Variants in DCAF5 observed in about 807,000 individuals in gnomAD.
DCAF5 encodes DDB1- and CUL4-associated factor 5.
A neutral mutation model predicts 80.7 loss-of-function variants in DCAF5; 9 were observed. That is an observed-to-expected ratio of 0.11 (90% CI 0.07 to 0.19). The LOEUF (loss-of-function observed/expected upper bound fraction) is 0.19. DCAF5 is among the 10% of genes least tolerant of loss of function. DCAF5 has a pLI of 1.00. For missense variants in DCAF5, 842 were observed against 1,205.7 expected (o/e 0.70, Z 4.47); for synonymous variants, 433 against 461.9 (o/e 0.94, Z 0.80).
At chr14:69,119,112 C>T in intron 3 of DCAF5, 82 bp downstream of exon 3, 1 of 1,402,912 alleles carries the variant, frequency 7.1e-7, no homozygotes, top group Non-Finnish European at 9.6e-7. Flanking sequence ...AAAACAAAAA[C>T]TATTTTAGTC....
intron 1 of DCAF5, among the ~76,000 whole-genome samples, chr14:69,146,234 T>C (rs10131077): frequency 0.38 from 57,508 of 152,042 alleles, 12,082 homozygotes; most frequent in East Asian, 0.91. Context: ...TGAACAATAC[T>C]GAGCACAAGG....
At chr14:69,084,157 T>C (rs2039226459) in intron 6 of DCAF5, 1 of 884,926 alleles carries the variant, frequency 1.1e-6, no homozygotes, top group Non-Finnish European at 1.9e-6. Context: ...TCTCACCTAC[T>C]AGAGAACTAG....
Position 69,052,554 on chromosome 14 carries a change from G to A in DCAF5, c.*1303C>T, listed in dbSNP as rs552370824. 4.6e-5 allele frequency: 7 copies of A among 152,628 alleles called. No individual in the cohort carries two copies. The highest frequency in any genetic ancestry group is 2.1e-4 in the South Asian group (1 of 4,822). The allele number at this position is 152,628 out of a possible 1,614,324, so 9.5% of individuals were successfully genotyped here. On this transcript the variant is annotated 3_prime_UTR_variant, in exon 9 of 9. Coordinates refer to ENST00000341516, the MANE Select transcript of DCAF5 (RefSeq NM_003861.3). ...TTTGCACAACCCTTCATAGATAACCGAGTGACTGCAACGCTGAAAATCTGT... is the reference window on the plus strand; with the variant it reads ...TTTGCACAACCCTTCATAGATAACCAAGTGACTGCAACGCTGAAAATCTGT...
intron 1 of DCAF5, among the ~76,000 whole-genome samples, chr14:69,144,490 T>G (rs1478399562): frequency 2.6e-5 from 4 of 151,752 alleles, no homozygotes; most frequent in African/African-American, 7.3e-5. Context: ...GAGAATGGCA[T>G]GAACCTGGGA....
intron 1 of DCAF5, among the ~76,000 whole-genome samples, chr14:69,131,345 C>T (rs1420198573): frequency 6.6e-6 from 1 of 152,064 alleles, no homozygotes; most frequent in East Asian, 1.9e-4. Flanking sequence ...AGTGAGTGTA[C>T]TGTGTAAGAC....
chr14:69,078,548 C>T (rs910590439), intron 6 of DCAF5, among the ~76,000 whole-genome samples: 1 of 152,202 alleles, frequency 6.6e-6, no homozygotes, highest in Non-Finnish European at 1.5e-5. Flanking sequence ...AATCAATCCC[C>T]TATGTGTCCA....
At chr14:69,148,276 G>A (rs918106806) in intron 1 of DCAF5, among the ~76,000 whole-genome samples, 2 of 152,182 alleles carry the variant, frequency 1.3e-5, no homozygotes, top group Non-Finnish European at 2.9e-5. Context: ...CCTCATTGAT[G>A]TTGTTAGGAT....
At chr14:69,136,702 TG>T (rs1472934701) in intron 1 of DCAF5, among the ~76,000 whole-genome samples, 1 of 152,214 alleles carries the variant, frequency 6.6e-6, no homozygotes, top group African/African-American at 2.4e-5. Context: ...GTGACATTTT[TG>T]GTTGTCACAA....
chr14:69,120,719 A>G (rs1180591815), intron 2 of DCAF5, among the ~76,000 whole-genome samples: 3 of 152,214 alleles, frequency 2.0e-5, no homozygotes, highest in Non-Finnish European at 4.4e-5. Context: ...GTACAAACCA[A>G]TGAAATCAGT....
chr14:69,066,280 G>A (rs1213678775), intron 7 of DCAF5, among the ~76,000 whole-genome samples: 6 of 151,786 alleles, frequency 4.0e-5, no homozygotes, highest in East Asian at 3.9e-4. Flanking sequence ...GATTACAGGC[G>A]CACACCACCA....
intron 5 of DCAF5, among the ~76,000 whole-genome samples, chr14:69,100,822 A>G (rs760821511): frequency 6.6e-6 from 1 of 152,204 alleles, no homozygotes; most frequent in Non-Finnish European, 1.5e-5. Flanking sequence ...TATTGAGAGT[A>G]TACTAAGAAG....
In DCAF5 at chr14:69,061,155, C is replaced by T. The variant is rs76828648; in HGVS notation, c.1074+1229G>A. 1.4e-3 allele frequency among the ~76,000 whole-genome samples: 213 copies of T among 152,092 alleles called. 1 individual carries two copies. Among genetic ancestry groups the T allele is most frequent in the African/African-American group, 5.0e-3 (207 of 41,508 alleles). Reference sequence around the variant, plus strand: ...AAGTAGCTAAAACCACAGGTATACACTAATTTTTAAATTTTTTGTAGAGAC... The same window carrying T: ...AAGTAGCTAAAACCACAGGTATACATTAATTTTTAAATTTTTTGTAGAGAC... On this transcript the variant is annotated intron_variant, in intron 8 of 8. Transcript: ENST00000341516.
intron 1 of DCAF5, among the ~76,000 whole-genome samples, chr14:69,141,024 G>T (rs1476895551): frequency 6.6e-6 from 1 of 151,420 alleles, no homozygotes; most frequent in African/African-American, 2.4e-5. Context: ...ATCCCAACGG[G>T]ATTACAGGCT....
At position 69,087,776 on chromosome 14, in the gene DCAF5, G is replaced by A. The variant is rs183561495; in HGVS notation, c.879+3898C>T. 5.8e-4 allele frequency among the ~76,000 whole-genome samples: 88 copies of A among 152,182 alleles called. 1 individual carries two copies. The South Asian group carries it at 0.01, about 18-fold the overall frequency. On this transcript the variant is annotated intron_variant, in intron 6 of 8. Coordinates refer to ENST00000341516, the MANE Select transcript of DCAF5 (RefSeq NM_003861.3). ...TATATGCTCTCTTATTTTAAAAGAT[G>A]GAGGAAGGAAAAAGACATGAAGTTA...
chr14:69,150,494 T>G (rs192266127), intron 1 of DCAF5, among the ~76,000 whole-genome samples: 6 of 152,166 alleles, frequency 3.9e-5, no homozygotes, highest in Admixed American at 2.0e-4. Flanking sequence ...AGGATAAAAG[T>G]AGTAATAACT....
At chr14:69,124,823 G>A (rs2040827907) in intron 1 of DCAF5, among the ~76,000 whole-genome samples, 1 of 152,068 alleles carries the variant, frequency 6.6e-6, no homozygotes, top group Non-Finnish European at 1.5e-5. Context: ...CCAACACTGA[G>A]GCTGTGAGTC....
At chr14:69,140,648 T>G (rs1187063684) in intron 1 of DCAF5, among the ~76,000 whole-genome samples, 1 of 152,062 alleles carries the variant, frequency 6.6e-6, no homozygotes, top group Non-Finnish European at 1.5e-5. Context: ...CAAAAAAAAG[T>G]ACAAGTAAAC....
At chr14:69,060,158 G>A (rs1425788195) in intron 8 of DCAF5, among the ~76,000 whole-genome samples, 2 of 152,124 alleles carry the variant, frequency 1.3e-5, no homozygotes, top group Non-Finnish European at 1.5e-5. Flanking sequence ...TCAGCCAAAG[G>A]AGAAGGGAAA....
At chr14:69,097,374 C>T (rs1451320224) in intron 5 of DCAF5, among the ~76,000 whole-genome samples, 1 of 152,046 alleles carries the variant, frequency 6.6e-6, no homozygotes, top group Non-Finnish European at 1.5e-5. Flanking sequence ...ATGAATGCCT[C>T]AGAACAATAG....
Sources: gnomAD v4.1 joint callset for allele counts (sites outside exome capture counted in the v4.1 genomes callset) on GRCh38, gnomAD v4.1.1 for gene constraint, MANE v1.5 for transcripts, NCBI Gene and HGNC (gene_info 2026-07-23, HGNC 2026-07-21) for gene names.